Variants in URGCP observed in about 807,000 individuals in gnomAD.
URGCP encodes the protein up-regulator of cell proliferation.
URGCP carries 13 observed loss-of-function variants against 24.6 expected under a neutral mutation model. The ratio of observed to expected loss-of-function variants is 0.53; its 90% CI spans 0.34 to 0.84. The LOEUF is 0.84. Among genes scored for constraint, URGCP ranks in the 40% least tolerant of loss-of-function variants. The pLI, the probability that URGCP is intolerant of heterozygous loss-of-function variation, is 0.01. For synonymous variants in URGCP, 444 were observed against 487.2 expected, an observed-to-expected ratio of 0.91 and a Z score of 1.17; for missense variants, 899 against 1,194.3, an observed-to-expected ratio of 0.75 and a Z score of 3.64.
At position 43,876,572 on chromosome 7, in the gene URGCP, T is replaced by C; in HGVS notation, c.*95A>G. 1 of 1,367,704 alleles carries C rather than the reference T, an allele frequency of 7.3e-7. No individual in the cohort carries two copies. Among genetic ancestry groups the C allele is most frequent in the East Asian group, 2.3e-5 (1 of 43,590 alleles). 84.7% of individuals were successfully genotyped at this position (1,367,704 alleles called of 1,614,324 possible). On this transcript the variant is annotated 3_prime_UTR_variant, in exon 6 of 6. Coordinates refer to ENST00000453200, the MANE Select transcript of URGCP (RefSeq NM_001077663.3). ...TCTCATGTCGATTGGGCACCAGCCA[T>C]TCTCAGGCACCAGAGCACAGCCCCA... is the stretch of plus-strand genomic sequence containing the variant.
At chr7:43,913,269 C>T (rs539718130) in intron 1 of URGCP, among the ~76,000 whole-genome samples, 250 of 152,226 alleles carry the variant, frequency 1.6e-3, no homozygotes, top group African/African-American at 4.9e-3. Context: ...AGTGCAGTGG[C>T]GCGAACTCGG....
At position 43,878,134 on chromosome 7, in the gene URGCP, G is replaced by A. The variant is rs370362258; in HGVS notation, c.1329C>T (p.Cys443=). Residue 443 remains cysteine, a synonymous_variant, in exon 6 of 6, where the codon TGC becomes TGT. Coordinates refer to ENST00000453200, the MANE Select transcript of URGCP (RefSeq NM_001077663.3). This position sits in a 1 kb window ranked among gnomAD's most constrained non-coding sequence, Gnocchi z 5.6. ...AIVGNVLRAP[C]RRVSVEDMAH... The stretch of plus-strand genomic sequence containing the variant: ...CCATGTCCTCCACAGATACCCGCCT[G>A]CAGGGTGCCCGCAGCACATTCCCAA... 15 of 1,614,136 alleles carry A rather than the reference G, an allele frequency of 9.3e-6. No individual in the cohort carries two copies. The African/African-American group carries it at 1.5e-4, about 16-fold the overall frequency.
intron 1 of URGCP, among the ~76,000 whole-genome samples, chr7:43,920,923 T>TA (rs1489085308): frequency 6.6e-6 from 1 of 152,206 alleles, no homozygotes; most frequent in Non-Finnish European, 1.5e-5. Flanking sequence ...AGGGCCCCAC[T>TA]CGAGGCCAAT....
chr7:43,919,892 G>A, intron 1 of URGCP: 1 of 1,304,994 alleles, frequency 7.7e-7, no homozygotes, highest in Non-Finnish European at 1.1e-6. Context: ...ATGACAAGCT[G>A]CGGAAGTGGG....
intron 1 of URGCP, chr7:43,919,836 A>C (rs2095920132): frequency 7.9e-7 from 1 of 1,273,268 alleles, no homozygotes. Context: ...CATGATGGCC[A>C]ACCACACCAG....
chr7:43,880,687 C>T (rs2095852498), intron 5 of URGCP, among the ~76,000 whole-genome samples: 1 of 152,334 alleles, frequency 6.6e-6, no homozygotes, highest in Admixed American at 6.5e-5. Context: ...GATCTGCCTG[C>T]CTCAGCCTCC....
At position 43,912,529 on chromosome 7, in the gene URGCP, T is replaced by C. The variant is rs191885512; in HGVS notation, c.-116+13603A>G. Among the ~76,000 whole-genome samples the C allele has an allele frequency of 5.8e-3, 881 of 152,292 alleles. 4 individuals carry two copies. Among genetic ancestry groups the C allele is most frequent in the Non-Finnish European group, 9.7e-3 (662 of 68,028 alleles). Reference sequence around the variant, plus strand: ...AGTGTAAGTCCTCCAGCTTTGTTCTTTTTAAAACTGTTTTGGCTGTTCAGG... The same window carrying C: ...AGTGTAAGTCCTCCAGCTTTGTTCTCTTTAAAACTGTTTTGGCTGTTCAGG... On this transcript the variant is annotated intron_variant, in intron 1 of 5. Coordinates refer to the URGCP transcript ENST00000426198.
At chr7:43,904,242 A>G (rs2095897018) in intron 1 of URGCP, among the ~76,000 whole-genome samples, 2 of 152,224 alleles carry the variant, frequency 1.3e-5, no homozygotes, top group Admixed American at 1.3e-4. Flanking sequence ...GCCATGGGGC[A>G]TTTCTCAAAC....
chr7:43,878,622 C>T lies in URGCP; in HGVS notation c.841G>A (p.Ala281Thr), dbSNP rs1034253351. Residue 281 changes from alanine (A) to threonine (T), a missense_variant, in exon 6 of 6, where the codon GCC (alanine) becomes ACC (threonine). Ala to Thr is a moderately conservative substitution (Grantham distance 58). Transcript: ENST00000453200. The surrounding 1 kb of genome is among the most constrained non-coding windows in gnomAD (Gnocchi z 5.6). ...TGCCTGTGGCCCGGGCTGAGGACGGCGTTGAGAAGCTGGGACTTGGAGTTG... is the reference window on the plus strand; with the variant it reads ...TGCCTGTGGCCCGGGCTGAGGACGGTGTTGAGAAGCTGGGACTTGGAGTTG... ...SSNSKSQLLN[A>T]VLSPGHRQWD... 2.5e-6 allele frequency: 4 copies of T among 1,613,604 alleles called. No homozygotes were observed. The highest frequency in any genetic ancestry group is 1.7e-5 in the Admixed American group (1 of 60,008).
intron 1 of URGCP, among the ~76,000 whole-genome samples, chr7:43,896,867 T>C (rs954247264): frequency 1.3e-5 from 2 of 152,236 alleles, no homozygotes; most frequent in African/African-American, 4.8e-5. Flanking sequence ...ACATATTTAT[T>C]GTGGACTTAT....
rs142167581 is a variant in URGCP at position 43,879,314 on chromosome 7, C to A, written c.203-54G>T. 2.3e-5 allele frequency: 36 copies of A among 1,532,482 alleles called. No individual in the cohort carries two copies. The East Asian group carries it at 8.1e-4, about 34-fold the overall frequency. The allele number at this position is 1,532,482 out of a possible 1,614,324, so 94.9% of individuals were successfully genotyped here. A position where few individuals can be genotyped will look rare whatever the true frequency, so the allele number is the denominator to read the frequency against. ...TCACCCTGTGTTTCTGAGCTAGGGG[C>A]CAGGGAAGAGCTGGTGAAGGAGAGC... is the stretch of plus-strand genomic sequence containing the variant. On this transcript the variant is annotated intron_variant, in intron 5 of 5. Coordinates refer to ENST00000453200, the MANE Select transcript of URGCP (RefSeq NM_001077663.3).
intron 3 of URGCP, among the ~76,000 whole-genome samples, chr7:43,883,765 A>C (rs1334555202): frequency 6.6e-6 from 1 of 152,206 alleles, no homozygotes; most frequent in African/African-American, 2.4e-5. Flanking sequence ...CTAACATTTC[A>C]AACCGTCTTC....
intron 1 of URGCP, among the ~76,000 whole-genome samples, chr7:43,913,800 G>A (rs1362268832): frequency 1.3e-5 from 2 of 151,812 alleles, no homozygotes; most frequent in Non-Finnish European, 2.9e-5. Context: ...CCTAGTTCAA[G>A]TGATTCTCCT....
chr7:43,919,460 A>T, intron 1 of URGCP: 1 of 975,266 alleles, frequency 1.0e-6, no homozygotes, highest in Non-Finnish European at 1.7e-6. Flanking sequence ...ATGACCTCAT[A>T]GGCCTCATCG....
intron 1 of URGCP, among the ~76,000 whole-genome samples, chr7:43,896,224 AG>A (rs1391024939): frequency 1.3e-5 from 2 of 152,122 alleles, no homozygotes; most frequent in Non-Finnish European, 2.9e-5. Flanking sequence ...AAATTACACC[AG>A]GTGCGGTGGC....
At chr7:43,918,597 C>G (rs62458683) in intron 1 of URGCP, 56,463 of 482,050 alleles carry the variant, frequency 0.12, 3,859 homozygotes, top group Admixed American at 0.19. Context: ...ATAGGATTTT[C>G]TTAAAGAGCG....
chr7:43,886,704 G>C (rs1483733967), intron 3 of URGCP, among the ~76,000 whole-genome samples: 1 of 152,192 alleles, frequency 6.6e-6, no homozygotes, highest in Non-Finnish European at 1.5e-5. Context: ...AGTGAGCTGA[G>C]ATCGCGCCAC....
At chr7:43,921,541 C>T (rs1222793061) in intron 1 of URGCP, among the ~76,000 whole-genome samples, 1 of 152,198 alleles carries the variant, frequency 6.6e-6, no homozygotes, top group Non-Finnish European at 1.5e-5. Context: ...ATTAGGTTTG[C>T]TAAATGTTTT....
At position 43,877,856 on chromosome 7, in the gene URGCP, C is replaced by T. The variant is rs1185185220; in HGVS notation, c.1607G>A (p.Arg536Gln). Reference sequence around the variant, plus strand: ...GGGATCATGGCCGTTCTGCTGCATTCGAAGTTCTAGCAGCCGCCGCCTCAG... The same window carrying T: ...GGGATCATGGCCGTTCTGCTGCATTTGAAGTTCTAGCAGCCGCCGCCTCAG... Reference protein sequence around the residue: ...AELRRRLLELRMQQNGHDPSS... With the variant: ...AELRRRLLELQMQQNGHDPSS... Residue 536 changes from arginine (R) to glutamine (Q), a missense_variant, in exon 6 of 6, where the codon CGA (arginine) becomes CAA (glutamine). Coordinates refer to ENST00000453200, the MANE Select transcript of URGCP (RefSeq NM_001077663.3). 1.9e-6 allele frequency: 3 copies of T among 1,611,694 alleles called. No homozygotes were observed. Among genetic ancestry groups the T allele is most frequent in the East Asian group, 2.2e-5 (1 of 44,836 alleles).
Sources: gnomAD v4.1 joint callset for allele counts (sites outside exome capture counted in the v4.1 genomes callset) on GRCh38, gnomAD v4.1.1 for gene constraint, Gnocchi (gnomAD v3.1) non-coding constraint, MANE v1.5 for transcripts, NCBI Gene and HGNC (gene_info 2026-07-23, HGNC 2026-07-21) for gene names.